ZNF646: variants seen among roughly 807,000 people sequenced by gnomAD.
The protein encoded by ZNF646 is zinc finger protein 646.
A neutral mutation model predicts 115.4 loss-of-function variants in ZNF646; 49 were observed. The ratio of observed to expected loss-of-function variants is 0.42; its 90% CI spans 0.34 to 0.54. The LOEUF (loss-of-function observed/expected upper bound fraction) is 0.54. Ranked by LOEUF, ZNF646 falls within the 20% of genes least tolerant of loss-of-function variation. ZNF646 has a pLI of 0.04. For synonymous variants in ZNF646, 933 were observed against 939.0 expected (o/e 0.99, Z 0.12); for missense variants, 2,269 against 2,457.9 (o/e 0.92, Z 1.62).
intron 2 of ZNF646, 119 bp from the exon 3 acceptor site, chr16:31,082,852 C>G: frequency 7.4e-7 from 1 of 1,350,598 alleles, no homozygotes; most frequent in Non-Finnish European, 1.0e-6. Flanking sequence ...CCTAGAATCC[C>G]TGTTCTCATC....
In ZNF646 at chr16:31,081,279, C is replaced by T; in HGVS notation, c.4955C>T (p.Pro1652Leu). 1 of 1,612,350 alleles carries T rather than the reference C, an allele frequency of 6.2e-7. No individual in the cohort carries two copies. Among genetic ancestry groups the T allele is most frequent in the Non-Finnish European group, 8.5e-7 (1 of 1,178,880 alleles). Residue 1652 changes from proline to leucine, a missense_variant, in exon 2 of 3, where the codon CCA (proline) becomes CTA (leucine). Physicochemically the swap from Pro to Leu is moderately conservative, Grantham distance 98. Coordinates refer to ENST00000300850, the MANE Select transcript of ZNF646 (RefSeq NM_014699.4). ...GCCCCATCAGAAACCCCCAGAGGCC[C>T]AGGAGAGAGTGTGGAGAGAGCCAGG... ...QEAPSETPRG[P>L]GESVERARGG...
In ZNF646 at chr16:31,078,241, C is replaced by T. The variant is rs1477081135; in HGVS notation, c.1917C>T (p.His639=). 1.2e-6 allele frequency: 2 copies of T among 1,613,900 alleles called. No individual in the cohort carries two copies. Among genetic ancestry groups the T allele is most frequent in the African/African-American group, 1.3e-5 (1 of 74,956 alleles). Residue 639 remains histidine (H), a synonymous_variant, in exon 2 of 3, where the codon CAC becomes CAT. Coordinates refer to ENST00000300850, the MANE Select transcript of ZNF646 (RefSeq NM_014699.4). ...SGSLINHRQT[H]QTGDFSCGAC... ...GCCTTATCAACCACAGGCAGACCCA[C>T]CAGACAGGAGACTTCAGTTGTGGGG...
rs2057075425 is a variant in ZNF646 at position 31,076,376 on chromosome 16, C to T, written c.52C>T (p.Pro18Ser). The change falls in exon 2 of 3, where the codon CCC becomes TCC. Residue 18 changes from proline (P) to serine (S), a missense_variant. This residue lies in a region of ZNF646 where 334 missense variants were observed against 323.5 expected (regional missense o/e 1.03). Transcript: ENST00000300850. ...LSCSDCQRHFPSLPELSRHRE... is the reference protein window; with the variant it reads ...LSCSDCQRHFSSLPELSRHRE... Reference sequence around the variant, plus strand: ...CTGCTCCGACTGTCAGCGCCACTTTCCCAGCCTCCCAGAGCTCTCTCGGCA... The same window carrying T: ...CTGCTCCGACTGTCAGCGCCACTTTTCCAGCCTCCCAGAGCTCTCTCGGCA... 1.2e-6 allele frequency: 2 copies of T among 1,613,886 alleles called. No individual in the cohort carries two copies. The highest frequency in any genetic ancestry group is 1.7e-6 in the Non-Finnish European group (2 of 1,179,932).
chr16:31,076,607 A>G lies in ZNF646; in HGVS notation c.283A>G (p.Arg95Gly), dbSNP rs781219201. The G allele has an allele frequency of 3.0e-5, 48 of 1,613,068 alleles. No homozygotes were observed. Among genetic ancestry groups the G allele is most frequent in the Non-Finnish European group, 4.0e-5 (47 of 1,179,760 alleles). Residue 95 changes from arginine to glycine, a missense_variant, in exon 2 of 3, where the codon AGG (arginine) becomes GGG (glycine). Transcript: ENST00000300850. The part of the protein sequence containing the change: ...SNPMALKSHM[R>G]THAPEGRRRH... ...TCCCATGGCTCTCAAGAGCCATATG[A>G]GGACACATGCTCCTGAGGGCCGCCG...
upstream of ZNF646, chr16:31,073,882 T>G (rs1389152484): frequency 6.6e-6 from 1 of 151,806 alleles, no homozygotes; most frequent in East Asian, 1.9e-4. Flanking sequence ...TTGCAAGAGG[T>G]CTCTGTGTGT....
chr16:31,079,616 C>T lies in ZNF646; in HGVS notation c.3292C>T (p.Leu1098=), dbSNP rs560052597. Residue 1098 remains leucine (L), a synonymous_variant, in exon 2 of 3, where the codon CTG becomes TTG. Coordinates refer to ENST00000300850, the MANE Select transcript of ZNF646 (RefSeq NM_014699.4). This position sits in a 1 kb window ranked among gnomAD's most constrained non-coding sequence, Gnocchi z 5.5. ...YPNLAAYRNH[L]RNHPRCKGSE... is the part of the protein sequence containing the mutation. The stretch of plus-strand genomic sequence containing the variant: ...CAACCTGGCTGCCTACCGTAATCAT[C>T]TGCGGAACCACCCTCGCTGCAAAGG... 5.0e-6 allele frequency: 8 copies of T among 1,613,254 alleles called. No individual in the cohort carries two copies. The highest frequency in any genetic ancestry group is 4.4e-5 in the South Asian group (4 of 91,088).
At chr16:31,082,911 G>A in intron 2 of ZNF646, 60 bp from the exon 3 acceptor site, 2 of 1,536,940 alleles carry the variant, frequency 1.3e-6, no homozygotes, top group Admixed American at 4.2e-5. Flanking sequence ...GGCTGGGAGG[G>A]GGTACACGCT....
chr16:31,079,009 C>T lies in ZNF646; in HGVS notation c.2685C>T (p.Gly895=), dbSNP rs758812747. 7.5e-6 allele frequency: 12 copies of T among 1,594,210 alleles called. No homozygotes were observed. The Admixed American group carries it at 2.0e-4, about 27-fold the overall frequency. ...LCGMIFPGRA[G]YRLHRRQAHS... ...GCATGATCTTCCCTGGGCGGGCTGG[C>T]TACAGGCTTCACCGGCGCCAGGCCC... is the stretch of plus-strand genomic sequence containing the variant. The change falls in exon 2 of 3, where the codon GGC becomes GGT. Residue 895 remains glycine, a synonymous_variant. Coordinates refer to ENST00000300850, the MANE Select transcript of ZNF646 (RefSeq NM_014699.4). This position sits in a 1 kb window ranked among gnomAD's most constrained non-coding sequence, Gnocchi z 5.5.
chr16:31,074,265 T>C (rs1281736094), upstream of ZNF646: 1 of 152,284 alleles, frequency 6.6e-6, no homozygotes, highest in African/African-American at 2.4e-5. Flanking sequence ...AGACGCCGCG[T>C]TGTGACCTAC....
rs1224265852 is a variant in ZNF646, at chr16:31,076,895, A to G, written c.571A>G (p.Thr191Ala). Residue 191 changes from threonine (T) to alanine (A), a missense_variant, in exon 2 of 3, where the codon ACT becomes GCT. By Grantham distance (58) the Thr-to-Ala change is moderately conservative. Coordinates refer to ENST00000300850, the MANE Select transcript of ZNF646 (RefSeq NM_014699.4). The part of the protein sequence containing the change: ...EDGADGWGPS[T>A]NSARAPPLPI... ...TGGTGCAGACGGCTGGGGACCCTCCACTAACTCTGCCAGAGCCCCTCCTCT... is the reference window on the plus strand; with the variant it reads ...TGGTGCAGACGGCTGGGGACCCTCCGCTAACTCTGCCAGAGCCCCTCCTCT... 1.9e-6 allele frequency: 3 copies of G among 1,614,050 alleles called. No individual in the cohort carries two copies. Among genetic ancestry groups the G allele is most frequent in the Admixed American group, 1.7e-5 (1 of 60,012 alleles).
At position 31,081,544 on chromosome 16, in the gene ZNF646, C is replaced by A; in HGVS notation, c.5220C>A (p.Ala1740=). 1 of 1,613,982 alleles carries A rather than the reference C, an allele frequency of 6.2e-7. No homozygotes were observed. Residue 1740 remains alanine, a synonymous_variant, in exon 2 of 3, where the codon GCC becomes GCA. Coordinates refer to ENST00000300850, the MANE Select transcript of ZNF646 (RefSeq NM_014699.4). ...KRHCCSICGK[A]FRTAARLEGH... ...ACTGCTGCAGCATCTGTGGCAAGGC[C>A]TTTCGGACAGCTGCCCGGCTGGAGG...
In ZNF646 at chr16:31,084,185, A is replaced by G. The variant is rs766589568; in HGVS notation, c.*1093A>G. 5 of 1,609,232 alleles carry G rather than the reference A, an allele frequency of 3.1e-6. No homozygotes were observed. The highest frequency in any genetic ancestry group is 4.2e-6 in the Non-Finnish European group (5 of 1,178,146). The stretch of plus-strand genomic sequence containing the variant: ...GGTTCCTCGGCGAAGTAGACCTGCC[A>G]GTCCAAACTGCTGACCCAGTCCTCA... On this transcript the variant is annotated 3_prime_UTR_variant, in exon 3 of 3. Coordinates refer to ENST00000300850, the MANE Select transcript of ZNF646 (RefSeq NM_014699.4).
intron 1 of ZNF646, 62 bp from the exon 2 acceptor site, chr16:31,076,184 C>T (rs772033922): frequency 4.0e-5 from 47 of 1,181,414 alleles, no homozygotes; most frequent in Non-Finnish European, 5.2e-5. Context: ...ACTTGTTGCT[C>T]GTAGAGCCAA....
At chr16:31,075,636 CA>C (rs1673777925) in intron 1 of ZNF646, among the ~76,000 whole-genome samples, 1 of 152,106 alleles carries the variant, frequency 6.6e-6, no homozygotes, top group Non-Finnish European at 1.5e-5. Flanking sequence ...TCTCTTGTCA[CA>C]AGGAAAAGAG....
At position 31,077,844 on chromosome 16, in the gene ZNF646, T is replaced by TGC; in HGVS notation, c.1523_1524dup (p.Asn509AlafsTer28). ...CGCAAGTACCCCAATCTCATGGCCC[T>TGC]GCGCAACCACGTGCGGGTACATTGC... On this transcript the variant is annotated frameshift_variant, in exon 2 of 3. Coordinates refer to ENST00000300850, the MANE Select transcript of ZNF646 (RefSeq NM_014699.4). LOFTEE classifies it high-confidence loss of function. The TGC allele has an allele frequency of 6.2e-7, 1 of 1,613,856 alleles. No individual in the cohort carries two copies. Among genetic ancestry groups the TGC allele is most frequent in the Non-Finnish European group, 8.5e-7 (1 of 1,180,040 alleles).
chr16:31,073,491 T>G (rs1466223512), upstream of ZNF646: 1 of 152,108 alleles, frequency 6.6e-6, no homozygotes, highest in Non-Finnish European at 1.5e-5. Flanking sequence ...TAGGACCTGC[T>G]GGGCCCGCAA....
chr16:31,073,459 CG>C (rs1272122100), upstream of ZNF646: 1 of 152,186 alleles, frequency 6.6e-6, no homozygotes, highest in Non-Finnish European at 1.5e-5. Flanking sequence ...AGCCCAGAAC[CG>C]CGGAGACAGC....
chr16:31,083,944 G>A lies in ZNF646; in HGVS notation c.*852G>A. ...GAGAATACTGAGGCTCAAAGCGGTTGAGCAGCCTGCTCCAAGTCACACGAT... is the reference window on the plus strand; with the variant it reads ...GAGAATACTGAGGCTCAAAGCGGTTAAGCAGCCTGCTCCAAGTCACACGAT... On this transcript the variant is annotated 3_prime_UTR_variant, in exon 3 of 3. Transcript: ENST00000300850. 2.6e-6 allele frequency: 4 copies of A among 1,512,406 alleles called. No homozygotes were observed. Among genetic ancestry groups the A allele is most frequent in the Non-Finnish European group, 3.6e-6 (4 of 1,124,480 alleles). The allele number at this position is 1,512,406 out of a possible 1,614,324, so 93.7% of individuals were successfully genotyped here. A position where few individuals can be genotyped will look rare whatever the true frequency, so the allele number is the denominator to read the frequency against.
In ZNF646 at chr16:31,077,104, CCA is replaced by C. The variant is rs1567406290; in HGVS notation, c.784_785del (p.Thr262AlafsTer15). ...AGSLTNHRQS[H>X]TLGIYPCAIC... ...GGAGCCTCACCAACCACCGCCAGAGCCACACGCTGGGCATCTACCCCTGTGCC... is the reference window on the plus strand; with the variant it reads ...GGAGCCTCACCAACCACCGCCAGAGCCACGCTGGGCATCTACCCCTGTGCC... On this transcript the variant is annotated frameshift_variant, in exon 2 of 3. Transcript: ENST00000300850. LOFTEE classifies it high-confidence loss of function. 1 of 1,614,208 alleles carries C rather than the reference CCA, an allele frequency of 6.2e-7. No individual in the cohort carries two copies. The highest frequency in any genetic ancestry group is 2.2e-5 in the East Asian group (1 of 44,886).
Sources: allele counts gnomAD v4.1 joint callset (sites outside exome capture counted in the v4.1 genomes callset), GRCh38; gene constraint gnomAD v4.1.1; regional missense constraint gnomAD v4.1.1; non-coding constraint Gnocchi (gnomAD v3.1); transcripts MANE v1.5; gene names NCBI Gene and HGNC (gene_info 2026-07-23, HGNC 2026-07-21).